The following TAFA2 variants were observed in gnomAD, a reference collection of about 807,000 sequenced individuals.
TAFA2 encodes chemokine-like protein TAFA-2.
In TAFA2, 7 loss-of-function variants were observed where a neutral mutation model predicts 18.8. The ratio of observed to expected loss-of-function variants is 0.37; its 90% CI spans 0.21 to 0.70. The LOEUF is 0.70. Among genes scored for constraint, TAFA2 ranks in the 30% least tolerant of loss-of-function variants. The pLI is 0.53. For missense variants in TAFA2, 122 were observed against 158.1 expected, an observed-to-expected ratio of 0.77 and a Z score of 1.23; for synonymous variants, 60 against 54.2, an observed-to-expected ratio of 1.11 and a Z score of -0.47.
chr12:61,943,441 T>G (rs1442302374), intron 1 of TAFA2, among the ~76,000 whole-genome samples: 1 of 148,190 alleles, frequency 6.7e-6, no homozygotes, highest in African/African-American at 2.5e-5. Context: ...AGGATCAAAT[T>G]CACACATAAC....
rs1879806165 is a variant in TAFA2 at position 61,986,153 on chromosome 12, CTCT to C, written c.-1-118730_-1-118728del. Reference sequence around the variant, plus strand: ...AGAATCTAGACATAGACAATCTAAGCTCTTCTTTTTTTTTTTTTTTTTTTTTTT... The same window carrying C: ...AGAATCTAGACATAGACAATCTAAGCTCTTTTTTTTTTTTTTTTTTTTTTT... On this transcript the variant is annotated intron_variant, in intron 1 of 4. Transcript: ENST00000416284. 2.1e-5 allele frequency among the ~76,000 whole-genome samples: 3 copies of C among 139,604 alleles called. 1 individual carries two copies. The highest frequency in any genetic ancestry group is 1.5e-4 in the Admixed American group (2 of 13,526). 91.6% of individuals were successfully genotyped at this position (139,604 alleles called of 152,430 possible).
intron 4 of TAFA2, among the ~76,000 whole-genome samples, chr12:61,733,968 C>T (rs1449277584): frequency 6.8e-6 from 1 of 147,742 alleles, no homozygotes; most frequent in Non-Finnish European, 1.5e-5. Flanking sequence ...GTTTGTAGTT[C>T]TCCTTGAAGA....
chr12:62,073,842 T>A (rs929298944), intron 1 of TAFA2, among the ~76,000 whole-genome samples: 2 of 152,232 alleles, frequency 1.3e-5, no homozygotes, highest in Non-Finnish European at 2.9e-5. Context: ...ACTATACAGA[T>A]GAAAATGAAT....
chr12:61,819,876 G>T (rs1872248199), intron 2 of TAFA2, among the ~76,000 whole-genome samples: 1 of 151,900 alleles, frequency 6.6e-6, no homozygotes, highest in South Asian at 2.1e-4. Context: ...ACCAACATCT[G>T]GGGAGAAAAA....
intron 4 of TAFA2, among the ~76,000 whole-genome samples, chr12:61,719,997 C>A (rs1869826335): frequency 6.6e-6 from 1 of 151,752 alleles, no homozygotes; most frequent in Non-Finnish European, 1.5e-5. Flanking sequence ...AAGGATAGGG[C>A]AACACAGATG....
chr12:61,889,605 G>A lies in TAFA2; in HGVS notation c.-1-22179C>T, dbSNP rs189536409. Among the ~76,000 whole-genome samples, 426 of 152,264 alleles carry A rather than the reference G, an allele frequency of 2.8e-3. 1 individual carries two copies. The highest frequency in any genetic ancestry group is 5.1e-3 in the Non-Finnish European group (346 of 68,018). On this transcript the variant is annotated intron_variant, in intron 1 of 4. Coordinates refer to ENST00000416284, the MANE Select transcript of TAFA2 (RefSeq NM_178539.5). ...AATTGTTCTAAATCCAAGACTACTTGCCAAAATCAGCAAACTTTTAAATTC... is the reference window on the plus strand; with the variant it reads ...AATTGTTCTAAATCCAAGACTACTTACCAAAATCAGCAAACTTTTAAATTC...
chr12:62,037,715 AG>A (rs1392276550), intron 1 of TAFA2, among the ~76,000 whole-genome samples: 1 of 152,228 alleles, frequency 6.6e-6, no homozygotes, highest in African/African-American at 2.4e-5. Flanking sequence ...CCAAAACTTA[AG>A]AATAACTACT....
rs77183353 is a variant in TAFA2 at position 62,009,195 on chromosome 12, T to A, written c.-1-141769A>T. Among the ~76,000 whole-genome samples, 6 of 152,258 alleles carry A rather than the reference T, an allele frequency of 3.9e-5. No homozygotes were observed. The East Asian group carries it at 1.2e-3, about 29-fold the overall frequency. On this transcript the variant is annotated intron_variant, in intron 1 of 4. Transcript: ENST00000416284. ...TGCAAAACACACTGCTTAAACAAAT[T>A]ATTTGAAAGTCAGTTAAGTGAATTT...
intron 1 of TAFA2, among the ~76,000 whole-genome samples, chr12:62,068,993 T>G (rs1882560707): frequency 6.6e-6 from 1 of 152,186 alleles, no homozygotes; most frequent in Non-Finnish European, 1.5e-5. Flanking sequence ...AAGTTTCCTG[T>G]GTGGGGACAT....
intron 1 of TAFA2, among the ~76,000 whole-genome samples, chr12:62,213,514 G>A (rs909163557): frequency 3.9e-5 from 6 of 152,052 alleles, no homozygotes; most frequent in Non-Finnish European, 7.4e-5. Flanking sequence ...ATGGTGGCGC[G>A]TGCCTGTAGT....
chr12:61,874,398 G>A (rs1874753808), intron 1 of TAFA2, among the ~76,000 whole-genome samples: 1 of 152,114 alleles, frequency 6.6e-6, no homozygotes, highest in South Asian at 2.1e-4. Flanking sequence ...CAGTAAAGAA[G>A]TCAACCCTGG....
intron 4 of TAFA2, among the ~76,000 whole-genome samples, chr12:61,722,750 GTTTCTAATCATC>G (rs1178894562): frequency 1.3e-5 from 2 of 151,958 alleles, no homozygotes; most frequent in Non-Finnish European, 2.9e-5. Context: ...TCTCTAATCA[GTTTCTAATCATC>G]TTTCTAATCT....
At chr12:62,115,870 C>G (rs1869940878) in intron 1 of TAFA2, among the ~76,000 whole-genome samples, 1 of 152,204 alleles carries the variant, frequency 6.6e-6, no homozygotes, top group African/African-American at 2.4e-5. Context: ...CCCATTACGT[C>G]TAGCTGGCTC....
chr12:61,716,771 T>A (rs1869680101), intron 4 of TAFA2, among the ~76,000 whole-genome samples: 1 of 152,166 alleles, frequency 6.6e-6, no homozygotes, highest in Non-Finnish European at 1.5e-5. Flanking sequence ...GATGAACATT[T>A]ATTTTTGGAC....
intron 1 of TAFA2, among the ~76,000 whole-genome samples, chr12:62,211,728 T>A (rs2062715157): frequency 6.6e-6 from 1 of 152,168 alleles, no homozygotes; most frequent in African/African-American, 2.4e-5. Flanking sequence ...TCCTATCTTT[T>A]TAGGGTGTCT....
intron 1 of TAFA2, among the ~76,000 whole-genome samples, chr12:62,007,618 T>C (rs1406263711): frequency 6.6e-6 from 1 of 152,210 alleles, no homozygotes; most frequent in Non-Finnish European, 1.5e-5. Flanking sequence ...TTTATAAAGA[T>C]AGCTCATCTT....
chr12:62,135,125 C>T (rs1870843845), intron 1 of TAFA2, among the ~76,000 whole-genome samples: 1 of 152,064 alleles, frequency 6.6e-6, no homozygotes, highest in Non-Finnish European at 1.5e-5. Flanking sequence ...CCATGGTAAG[C>T]TCTATGGAGT....
chr12:62,059,129 A>ATGTGTG (rs1565730990), intron 1 of TAFA2, among the ~76,000 whole-genome samples: 54 of 76,864 alleles, frequency 7.0e-4, no homozygotes, highest in African/African-American at 2.6e-3. Context: ...ATATATATAT[A>ATGTGTG]TGTGTGTATA....
At position 61,738,247 on chromosome 12, in the gene TAFA2, T is replaced by C. The variant is rs571877211; in HGVS notation, c.384+15375A>G. Among the ~76,000 whole-genome samples the C allele has an allele frequency of 2.3e-4, 34 of 147,504 alleles. No homozygotes were observed. In the South Asian group the frequency reaches 6.8e-3, roughly 30 times the overall value. Reference sequence around the variant, plus strand: ...CACTCCAGGCTAACCTCATCTAAAATTGCAACAGGCAAACAACTACAAAAA... The same window carrying C: ...CACTCCAGGCTAACCTCATCTAAAACTGCAACAGGCAAACAACTACAAAAA... On this transcript the variant is annotated intron_variant, in intron 4 of 4. Transcript: ENST00000416284.
Sources: allele counts gnomAD v4.1 joint callset (sites outside exome capture counted in the v4.1 genomes callset), GRCh38; gene constraint gnomAD v4.1.1; transcripts MANE v1.5; gene names NCBI Gene and HGNC (gene_info 2026-07-23, HGNC 2026-07-21).